SLC36A1: variants seen among roughly 807,000 people sequenced by gnomAD.
SLC36A1 encodes the protein proton-coupled amino acid transporter 1.
In SLC36A1, 30 loss-of-function variants were observed where a neutral mutation model predicts 47.5. That is an observed-to-expected ratio of 0.63 (90% confidence interval 0.47 to 0.86). SLC36A1 has a LOEUF of 0.86. Among genes scored for constraint, SLC36A1 ranks in the 40% least tolerant of loss-of-function variants. The probability of loss-of-function intolerance (pLI) is 0.00; values close to 1 mark genes in which losing one functional copy is unlikely to be tolerated. For missense variants in SLC36A1, 517 were observed against 606.0 expected (o/e 0.85, Z 1.54); for synonymous variants, 255 against 249.7 (o/e 1.02, Z -0.20).
chr5:151,372,411 A>G, the SLC36A1 span, among the ~76,000 whole-genome samples: 1 of 152,196 alleles, frequency 6.6e-6, no homozygotes, highest in African/African-American at 2.4e-5. Context: ...GTGAGTAATA[A>G]AAAAATAGTA....
At chr5:151,553,877 G>A in the SLC36A1 span, among the ~76,000 whole-genome samples, 5 of 152,182 alleles carry the variant, frequency 3.3e-5, no homozygotes, top group African/African-American at 9.7e-5. Context: ...CAGTGTGGTC[G>A]ATTCACCTGC....
the SLC36A1 span, chr5:151,551,439 A>G: frequency 6.2e-7 from 1 of 1,611,014 alleles, no homozygotes; most frequent in African/African-American, 1.3e-5. Context: ...TCCTCTCAAT[A>G]CAGGGGTCCC....
At chr5:151,427,285 CTG>C in the SLC36A1 span, among the ~76,000 whole-genome samples, 38 of 152,182 alleles carry the variant, frequency 2.5e-4, no homozygotes, top group African/African-American at 8.7e-4. Context: ...GAGGGCTTGT[CTG>C]TTGGATACAT....
the SLC36A1 span, chr5:151,506,138 C>T: frequency 6.0e-6 from 9 of 1,490,654 alleles, no homozygotes; most frequent in Admixed American, 2.4e-5. Flanking sequence ...CATTTTCTCC[C>T]CGGAAGGTTT....
At chr5:151,509,981 T>TAACA in the SLC36A1 span, 1 of 1,603,600 alleles carries the variant, frequency 6.2e-7, no homozygotes, top group South Asian at 1.1e-5. Flanking sequence ...GCGCATTCCC[T>TAACA]AACAAGGAGC....
chr5:151,411,791 A>T, the SLC36A1 span, among the ~76,000 whole-genome samples: 1 of 144,376 alleles, frequency 6.9e-6, no homozygotes, highest in Admixed American at 6.9e-5. Flanking sequence ...GGATAAGAAA[A>T]TACCTGCTTG....
chr5:151,507,771 C>A, the SLC36A1 span, among the ~76,000 whole-genome samples: 1 of 152,144 alleles, frequency 6.6e-6, no homozygotes, highest in East Asian at 1.9e-4. Context: ...AACATCAGAA[C>A]TTTCCACCTT....
chr5:151,483,248 T>C (rs1407705478), intron 10 of SLC36A1, among the ~76,000 whole-genome samples: 2 of 152,168 alleles, frequency 1.3e-5, no homozygotes, highest in Non-Finnish European at 2.9e-5. Flanking sequence ...AACCACAGGC[T>C]CCAGAATCCA....
intron 10 of SLC36A1, among the ~76,000 whole-genome samples, chr5:151,483,508 T>TG: frequency 7.4e-6 from 1 of 135,918 alleles, no homozygotes; most frequent in South Asian, 2.3e-4. Flanking sequence ...GCTGGGGTCT[T>TG]TGTGTGTGTG....
intron 8 of SLC36A1, among the ~76,000 whole-genome samples, chr5:151,475,320 C>T (rs165351): frequency 0.45 from 68,653 of 152,112 alleles, 16,260 homozygotes; most frequent in African/African-American, 0.6. Flanking sequence ...AACAGCACAG[C>T]GCAGAAATTG....
intron 1 of SLC36A1, among the ~76,000 whole-genome samples, chr5:151,452,840 A>G (rs1287507958): frequency 6.6e-6 from 1 of 150,956 alleles, no homozygotes; most frequent in Non-Finnish European, 1.5e-5. Context: ...ATTGCACTCC[A>G]GCCTGGGCAA....
Position 151,461,338 on chromosome 5 carries a change from T to C in SLC36A1, c.144-2215T>C, listed in dbSNP as rs112826522. Among the ~76,000 whole-genome samples, 13 of 152,262 alleles carry C rather than the reference T, an allele frequency of 8.5e-5. 1 individual carries two copies. Among genetic ancestry groups the C allele is most frequent in the African/African-American group, 3.1e-4 (13 of 41,546 alleles). ...AGTGAGGTTATTTACTAACACTTGA[T>C]GTTACCAAGCTATTGACTGCTTCGA... On this transcript the variant is annotated intron_variant, in intron 2 of 10. Transcript: ENST00000243389.
chr5:151,437,179 A>T (rs1175563760), exon 1 of SLC36A1: 1 of 152,210 alleles, frequency 6.6e-6, no homozygotes, highest in East Asian at 1.9e-4. Context: ...CTGCTGGCTG[A>T]GTAAGAGTTT....
the SLC36A1 span, among the ~76,000 whole-genome samples, chr5:151,530,961 G>C: frequency 5.3e-5 from 8 of 152,172 alleles, no homozygotes; most frequent in Non-Finnish European, 1.5e-5. Flanking sequence ...TGGGGAGGTA[G>C]AGAGCACCAT....
chr5:151,421,155 G>A, the SLC36A1 span, among the ~76,000 whole-genome samples: 836 of 131,946 alleles, frequency 6.3e-3, 7 homozygotes, highest in African/African-American at 0.021. Context: ...TTATAGGCGT[G>A]AGCCACCACG....
chr5:151,439,938 C>T (rs1752523634), intron 1 of SLC36A1, among the ~76,000 whole-genome samples: 1 of 152,164 alleles, frequency 6.6e-6, no homozygotes, highest in East Asian at 1.9e-4. Flanking sequence ...AAGGAATTTT[C>T]AAATTCATTT....
At chr5:151,505,911 T>C in the SLC36A1 span, 4 of 1,590,378 alleles carry the variant, frequency 2.5e-6, no homozygotes, top group Non-Finnish European at 2.6e-6. Context: ...AGGTGCCCGC[T>C]TGTTTTCCAT....
chr5:151,382,260 A>C, the SLC36A1 span: 1 of 1,330,298 alleles, frequency 7.5e-7, no homozygotes, highest in Non-Finnish European at 1.1e-6. Context: ...CCAGCCTGGG[A>C]GCTACATAGC....
At chr5:151,514,872 T>C in the SLC36A1 span, among the ~76,000 whole-genome samples, 110,557 of 152,174 alleles carry the variant, frequency 0.73, 40,538 homozygotes, top group East Asian at 0.96. Context: ...TTCCTCTTTC[T>C]TACATCTTTG....
Sources: allele counts gnomAD v4.1 joint callset (sites outside exome capture counted in the v4.1 genomes callset), GRCh38; gene constraint gnomAD v4.1.1; transcripts MANE v1.5; gene names NCBI Gene and HGNC (gene_info 2026-07-23, HGNC 2026-07-21).